The following ABCG5 variants were observed in gnomAD, a reference collection of about 807,000 sequenced individuals.
ABCG5 encodes the protein ATP-binding cassette sub-family G member 5.
ABCG5 carries 64 observed loss-of-function variants against 64.5 expected under a neutral mutation model. The observed-to-expected ratio is 0.99, with a 90% confidence interval of 0.81 to 1.22. The LOEUF is 1.22. Among genes scored for constraint, ABCG5 ranks in the 50% most tolerant of loss-of-function variants. The pLI is 0.00. For synonymous variants in ABCG5, 385 were observed against 326.3 expected (o/e 1.18, Z -1.94); for missense variants, 908 against 829.5 (o/e 1.09, Z -1.16).
chr2:43,809,594 A>C (rs180877110), downstream of ABCG5: 364 of 709,818 alleles, frequency 5.1e-4, 4 homozygotes, highest in Middle Eastern at 8.6e-3. Context: ...TAGAATGATA[A>C]TGCTACTAAG....
chr2:43,810,234 A>C (rs937745195), downstream of ABCG5: 6 of 518,996 alleles, frequency 1.2e-5, no homozygotes, highest in Non-Finnish European at 1.5e-5. Flanking sequence ...CGCAAGAAGC[A>C]CCTGAAATAG....
intron 2 of ABCG5, chr2:43,832,507 G>C: frequency 4.2e-6 from 1 of 239,346 alleles, no homozygotes; most frequent in Non-Finnish European, 8.3e-6. Flanking sequence ...TGGTCTGGTT[G>C]TACCTGGATG....
chr2:43,827,952 G>C (rs1418321439), intron 5 of ABCG5, 31 bp downstream of exon 5: 2 of 1,613,032 alleles, frequency 1.2e-6, no homozygotes, highest in Admixed American at 3.3e-5. Flanking sequence ...TGCCCAGACA[G>C]CAGCTAGTAA....
chr2:43,833,833 T>G (rs547623864), intron 2 of ABCG5, among the ~76,000 whole-genome samples: 3 of 152,082 alleles, frequency 2.0e-5, no homozygotes, highest in African/African-American at 4.8e-5. Flanking sequence ...TACAGGCGTG[T>G]GCCACCACAC....
At chr2:43,828,472 C>CAAAA (rs754944007) in intron 4 of ABCG5, 2,306 of 187,490 alleles carry the variant, frequency 0.012, no homozygotes, top group South Asian at 0.015. Flanking sequence ...CCTGTCTCTA[C>CAAAA]AAAAAAAAAA....
At chr2:43,810,161 T>C (rs1387540458), downstream of ABCG5, among the ~76,000 whole-genome samples, 1 of 152,254 alleles carries the variant, frequency 6.6e-6, no homozygotes, top group Non-Finnish European at 1.5e-5. Flanking sequence ...CATTCTCAGC[T>C]GTAGCTGGGA....
chr2:43,813,312 GT>G lies in ABCG5; in HGVS notation c.1763-4del. The G allele has an allele frequency of 1.2e-6, 2 of 1,605,092 alleles. No individual in the cohort carries two copies. Among genetic ancestry groups the G allele is most frequent in the Non-Finnish European group, 1.7e-6 (2 of 1,172,506 alleles). On this transcript the variant is annotated splice_region_variant and splice_polypyrimidine_tract_variant and intron_variant, in intron 12 of 12. Transcript: ENST00000405322. ...TGTCACAGAAACATTTGAGCTGCCT[GT>G]CAAGGAAAAGATTGACAGTGTCAGG...
intron 4 of ABCG5, among the ~76,000 whole-genome samples, chr2:43,828,900 G>T (rs1447653267): frequency 1.5e-5 from 2 of 129,056 alleles, no homozygotes. Context: ...GGGAGGCCAA[G>T]GTTGCAGTGA....
chr2:43,817,327 A>T lies in ABCG5; in HGVS notation c.1649+2588T>A, dbSNP rs192471281. ...TGGTGAAACCTCATCTCTACCAAAA[A>T]TACAAAAATTAGCTGGGCGTGGTGG... On this transcript the variant is annotated intron_variant, in intron 11 of 12. Transcript: ENST00000405322. 6.0e-4 allele frequency among the ~76,000 whole-genome samples: 91 copies of T among 152,006 alleles called. 1 individual carries two copies. The East Asian group carries it at 0.017, about 29-fold the overall frequency.
chr2:43,816,063 G>A (rs1220718036), intron 11 of ABCG5, among the ~76,000 whole-genome samples: 1 of 152,116 alleles, frequency 6.6e-6, no homozygotes, highest in African/African-American at 2.4e-5. Flanking sequence ...GTTTCTCCCT[G>A]TACCACACAG....
intron 5 of ABCG5, 79 bp from the exon 6 acceptor site, chr2:43,826,600 T>C (rs2104832661): frequency 6.3e-7 from 1 of 1,599,918 alleles, no homozygotes; most frequent in Non-Finnish European, 8.5e-7. Context: ...TTCTGAACTG[T>C]TCCTTATTGA....
intron 9 of ABCG5, 54 bp from the exon 10 acceptor site, chr2:43,822,989 G>A: frequency 1.9e-6 from 3 of 1,604,888 alleles, no homozygotes; most frequent in South Asian, 1.1e-5. Context: ...GCTGAAAAAG[G>A]GAGGGCTAGC....
chr2:43,806,539 A>T, the ABCG5 span, among the ~76,000 whole-genome samples: 1 of 152,210 alleles, frequency 6.6e-6, no homozygotes, highest in East Asian at 1.9e-4. Context: ...CAGGAAAATG[A>T]CCTTATGTAA....
intron 12 of ABCG5, among the ~76,000 whole-genome samples, chr2:43,813,865 C>T (rs1666646253): frequency 6.6e-6 from 1 of 151,462 alleles, no homozygotes; most frequent in African/African-American, 2.4e-5. Flanking sequence ...TTTACAGGCA[C>T]GCACCACCAC....
In ABCG5 at chr2:43,813,174, G is replaced by A; in HGVS notation, c.1898C>T (p.Ala633Val). The change falls in exon 13 of 13, where the codon GCT becomes GTT. Residue 633 changes from alanine (A) to valine (V), a missense_variant. By Grantham distance (64) the Ala-to-Val change is moderately conservative. Coordinates refer to ENST00000405322, the MANE Select transcript of ABCG5 (RefSeq NM_022436.3). ...AACAACTATTCCTAGGATGACAAGA[G>A]CTGGAATAAATGAATACAAAATCAG... ...NFLILYSFIP[A>V]LVILGIVVFK... The A allele has an allele frequency of 1.3e-6, 2 of 1,514,682 alleles. No homozygotes were observed. The highest frequency in any genetic ancestry group is 2.3e-5 in the East Asian group (1 of 44,418). The allele number at this position is 1,514,682 out of a possible 1,614,324, so 93.8% of individuals were successfully genotyped here. A position where few individuals can be genotyped will look rare whatever the true frequency, so the allele number is the denominator to read the frequency against.
chr2:43,823,824 C>A, intron 9 of ABCG5, 89 bp downstream of exon 9: 1 of 1,483,160 alleles, frequency 6.7e-7, no homozygotes, highest in African/African-American at 1.4e-5. Context: ...GAGAAAAACC[C>A]TTATAATGGT....
intron 5 of ABCG5, 122 bp from the exon 6 acceptor site, chr2:43,826,643 A>G: frequency 6.9e-7 from 1 of 1,457,720 alleles, no homozygotes. Context: ...GTGCGGTGGG[A>G]AGTAAACATG....
intron 11 of ABCG5, among the ~76,000 whole-genome samples, chr2:43,817,613 T>A (rs1666922204): frequency 6.6e-6 from 1 of 151,940 alleles, no homozygotes; most frequent in South Asian, 2.1e-4. Context: ...TATTCTAAGT[T>A]AAAAATGCAT....
In ABCG5 at chr2:43,831,786, C is replaced by T. The variant is rs1337167576; in HGVS notation, c.484G>A (p.Gly162Ser). 2 of 1,585,180 alleles carry T rather than the reference C, an allele frequency of 1.3e-6. No individual in the cohort carries two copies. The highest frequency in any genetic ancestry group is 2.3e-5 in the South Asian group (2 of 86,166). The change falls in exon 4 of 13, where the codon GGC becomes AGC. Residue 162 changes from glycine to serine, a missense_variant. Gly to Ser is a moderately conservative substitution (Grantham distance 56). Coordinates refer to ENST00000405322, the MANE Select transcript of ABCG5 (RefSeq NM_022436.3). ...GCACCCACCTTCTTCTGGAAGGAGC[C>T]GGGATTGCCGCGGCGGATGGCCAGC... ...ALLAIRRGNP[G>S]SFQKKVEAVM...
Sources: allele counts gnomAD v4.1 joint callset (sites outside exome capture counted in the v4.1 genomes callset), GRCh38; gene constraint gnomAD v4.1.1; transcripts MANE v1.5; gene names NCBI Gene and HGNC (gene_info 2026-07-23, HGNC 2026-07-21).